Variants in REM1 observed in about 807,000 individuals in gnomAD.
REM1 encodes the protein GTP-binding protein REM 1.
REM1 carries 20 observed loss-of-function variants against 27.0 expected under a neutral mutation model. That is an observed-to-expected ratio of 0.74 (90% CI 0.52 to 1.08). The LOEUF (loss-of-function observed/expected upper bound fraction) is 1.08. Among genes scored for constraint, REM1 ranks in the 50% least tolerant of loss-of-function variants. The probability of loss-of-function intolerance (pLI) is 0.00; values close to 1 mark genes in which losing one functional copy is unlikely to be tolerated. For synonymous variants in REM1, 159 were observed against 167.9 expected, an observed-to-expected ratio of 0.95 and a Z score of 0.41; for missense variants, 405 against 407.0, an observed-to-expected ratio of 1.00 and a Z score of 0.04.
chr20:31,477,819 C>T lies in REM1; in HGVS notation c.341-9C>T, dbSNP rs367795246. On this transcript the variant is annotated splice_polypyrimidine_tract_variant and intron_variant, in intron 2 of 4. Coordinates refer to ENST00000201979, the MANE Select transcript of REM1 (RefSeq NM_014012.6). ...CCTCCCTGAGATCCAGCTCTTCCCT[C>T]GGTTGCAGAAGATGTATATGAGAGG... 22 of 1,609,162 alleles carry T rather than the reference C, an allele frequency of 1.4e-5. No homozygotes were observed. Among genetic ancestry groups the T allele is most frequent in the Non-Finnish European group, 1.7e-5 (20 of 1,177,440 alleles).
intron 3 of REM1, among the ~76,000 whole-genome samples, chr20:31,480,246 CACACATACATACATACAT>C (rs1980681349): frequency 1.9e-5 from 1 of 53,522 alleles, no homozygotes; most frequent in African/African-American, 1.4e-4. Flanking sequence ...TACATACATA[CACACATACATACATACAT>C]ACATACATAC....
At position 31,476,268 on chromosome 20, in the gene REM1, G is replaced by C; in HGVS notation, c.-178G>C. The C allele has an allele frequency of 1.7e-6, 1 of 581,678 alleles. No homozygotes were observed. Among genetic ancestry groups the C allele is most frequent in the Non-Finnish European group, 3.0e-6 (1 of 330,718 alleles). 36.0% of individuals were successfully genotyped at this position (581,678 alleles called of 1,614,324 possible). A position where few individuals can be genotyped will look rare whatever the true frequency, so the allele number is the denominator to read the frequency against. ...AGGCCAGAAAACCTAGGGACTTTCTGCCCCAAGAAGCTGAGGCACCTCCTA... is the reference window on the plus strand; with the variant it reads ...AGGCCAGAAAACCTAGGGACTTTCTCCCCCAAGAAGCTGAGGCACCTCCTA... On this transcript the variant is annotated 5_prime_UTR_variant, in exon 2 of 5. Transcript: ENST00000201979.
intron 3 of REM1, among the ~76,000 whole-genome samples, chr20:31,480,238 CATACAT>C (rs1568762839): frequency 0.055 from 4,201 of 75,820 alleles, 72 homozygotes; most frequent in African/African-American, 0.12. Context: ...TAGACAGATA[CATACAT>C]ACACACATAC....
chr20:31,481,624 C>G (rs1387926258), intron 3 of REM1, among the ~76,000 whole-genome samples: 1 of 152,208 alleles, frequency 6.6e-6, no homozygotes, highest in African/African-American at 2.4e-5. Flanking sequence ...TATAAGGTTA[C>G]TACCCAGGTA....
chr20:31,484,309 G>T lies in REM1; in HGVS notation c.776G>T (p.Arg259Leu), dbSNP rs752804472. The T allele has an allele frequency of 6.3e-7, 1 of 1,578,822 alleles. No individual in the cohort carries two copies. ...DSAAKEPPAP[R>L]RPASLAQRAR... ...GCGGCCAAGGAACCCCCAGCACCCC[G>T]ACGGCCGGCCAGCCTAGCCCAGCGC... Residue 259 changes from arginine to leucine, a missense_variant, in exon 5 of 5, where the codon CGA (arginine) becomes CTA (leucine). Arg to Leu is a moderately radical substitution (Grantham distance 102). Coordinates refer to ENST00000201979, the MANE Select transcript of REM1 (RefSeq NM_014012.6).
chr20:31,483,848 C>A (rs912561486), intron 4 of REM1, among the ~76,000 whole-genome samples: 2 of 151,682 alleles, frequency 1.3e-5, no homozygotes, highest in Non-Finnish European at 2.9e-5. Context: ...CAGACCTCAA[C>A]CCAAACCTAC....
chr20:31,482,621 G>A, intron 4 of REM1, 133 bp downstream of exon 4: 1 of 852,888 alleles, frequency 1.2e-6, no homozygotes, highest in Non-Finnish European at 1.8e-6. Flanking sequence ...AAGCCTGCAA[G>A]CTGGGAACCA....
chr20:31,484,786 G>A lies in REM1; in HGVS notation c.*356G>A. On this transcript the variant is annotated 3_prime_UTR_variant, in exon 5 of 5. Transcript: ENST00000201979. ...CTGAATGCCCAGACCTCTCCATCTC[G>A]GCTCTTCCAGGCGTCTCCACCTACT... 2 of 240,742 alleles carry A rather than the reference G, an allele frequency of 8.3e-6. No homozygotes were observed. Among genetic ancestry groups the A allele is most frequent in the Non-Finnish European group, 7.9e-6 (1 of 125,820 alleles). 14.9% of individuals were successfully genotyped at this position (240,742 alleles called of 1,614,324 possible). A position where few individuals can be genotyped will look rare whatever the true frequency, so the allele number is the denominator to read the frequency against.
chr20:31,476,236 G>A lies in REM1; in HGVS notation c.-210G>A. The A allele has an allele frequency of 1.8e-6, 1 of 548,880 alleles. No individual in the cohort carries two copies. The highest frequency in any genetic ancestry group is 3.2e-6 in the Non-Finnish European group (1 of 312,904). 34.0% of individuals were successfully genotyped at this position (548,880 alleles called of 1,614,324 possible). A position where few individuals can be genotyped will look rare whatever the true frequency, so the allele number is the denominator to read the frequency against. ...TTCCATCCGGATCCAGGTTTATGCA[G>A]AGCCTGAGGCCAGAAAACCTAGGGA... is the stretch of plus-strand genomic sequence containing the variant. On this transcript the variant is annotated 5_prime_UTR_variant, in exon 2 of 5. Transcript: ENST00000201979.
In REM1 at chr20:31,476,502, C is replaced by G; in HGVS notation, c.57C>G (p.Thr19=). 6.2e-7 allele frequency: 1 copy of G among 1,613,452 alleles called. No individual in the cohort carries two copies. Among genetic ancestry groups the G allele is most frequent in the Non-Finnish European group, 8.5e-7 (1 of 1,179,720 alleles). ...CCCCTCTGCACCGGCGAGCCAGCAC[C>G]CCACTGCCCCTGTCCCCACGGGGCC... is the stretch of plus-strand genomic sequence containing the variant. The part of the protein sequence containing the change: ...AKTPLHRRAS[T]PLPLSPRGHQ... Residue 19 remains threonine, a synonymous_variant, in exon 2 of 5, where the codon ACC becomes ACG. Coordinates refer to ENST00000201979, the MANE Select transcript of REM1 (RefSeq NM_014012.6).
chr20:31,483,019 G>A (rs762815236), intron 4 of REM1, among the ~76,000 whole-genome samples: 1 of 152,032 alleles, frequency 6.6e-6, no homozygotes, highest in African/African-American at 2.4e-5. Flanking sequence ...AAAAATTCTG[G>A]CCAGGCCCAG....
chr20:31,483,754 A>C (rs1412597217), intron 4 of REM1, among the ~76,000 whole-genome samples: 1 of 142,506 alleles, frequency 7.0e-6, no homozygotes, highest in Admixed American at 7.1e-5. Context: ...GGAAGACCCT[A>C]TGCTTTGTGA....
intron 4 of REM1, among the ~76,000 whole-genome samples, chr20:31,483,777 A>G (rs989690529): frequency 2.7e-5 from 2 of 74,432 alleles, no homozygotes; most frequent in African/African-American, 4.8e-4. Context: ...AGACATCCAA[A>G]AAAAAAAAAA....
In REM1 at chr20:31,480,224, T is replaced by C. The variant is rs371861153; in HGVS notation, c.424-2063T>C. Among the ~76,000 whole-genome samples the C allele has an allele frequency of 2.5e-3, 296 of 118,986 alleles. 2 individuals are homozygous for C. The highest frequency in any genetic ancestry group is 9.6e-3 in the African/African-American group (217 of 22,536). 78.1% of individuals were successfully genotyped at this position (118,986 alleles called of 152,430 possible). ...ATAGATAGATAGATAGATAGATAGATAGATAGACAGATACATACATACACA... is the reference window on the plus strand; with the variant it reads ...ATAGATAGATAGATAGATAGATAGACAGATAGACAGATACATACATACACA... On this transcript the variant is annotated intron_variant, in intron 3 of 4. Coordinates refer to ENST00000201979, the MANE Select transcript of REM1 (RefSeq NM_014012.6).
intron 3 of REM1, among the ~76,000 whole-genome samples, chr20:31,481,221 C>A (rs933780003): frequency 6.6e-6 from 1 of 152,084 alleles, no homozygotes; most frequent in African/African-American, 2.4e-5. Flanking sequence ...TGCAGTAAGC[C>A]AAGATCATGC....
In REM1 at chr20:31,477,860, G is replaced by A. The variant is rs1568761715; in HGVS notation, c.373G>A (p.Gly125Arg). The A allele has an allele frequency of 6.2e-7, 1 of 1,613,226 alleles. No homozygotes were observed. The highest frequency in any genetic ancestry group is 8.5e-7 in the Non-Finnish European group (1 of 1,179,790). ...ATATGAGAGGACCCTCACGGTGGAT[G>A]GAGAAGACACCACACTGGTGGTCGT... ...DVYERTLTVD[G>R]EDTTLVVVDT... Residue 125 changes from glycine to arginine, a missense_variant, in exon 3 of 5, where the codon GGA (glycine) becomes AGA (arginine). By Grantham distance (125) the Gly-to-Arg change is moderately radical. Transcript: ENST00000201979.
In REM1 at chr20:31,482,430, C is replaced by T. The variant is rs755326964; in HGVS notation, c.567C>T (p.Pro189=). The T allele has an allele frequency of 1.4e-4, 222 of 1,614,066 alleles. No homozygotes were observed. Among genetic ancestry groups the T allele is most frequent in the Non-Finnish European group, 1.7e-4 (206 of 1,180,032 alleles). ...LRRTHQADHV[P]IILVGNKADL... ...GCACACATCAGGCAGACCATGTGCC[C>T]ATCATCCTCGTGGGCAACAAGGCAG... Residue 189 remains proline (P), a synonymous_variant, in exon 4 of 5, where the codon CCC becomes CCT. Transcript: ENST00000201979.
Position 31,484,295 on chromosome 20 carries a change from A to AC in REM1, c.767dup (p.Ala257SerfsTer118). On this transcript the variant is annotated frameshift_variant, in exon 5 of 5. Coordinates refer to ENST00000201979, the MANE Select transcript of REM1 (RefSeq NM_014012.6). LOFTEE classifies it high-confidence loss of function. ...GCCGCCGGGACAGTGCGGCCAAGGA[A>AC]CCCCCAGCACCCCGACGGCCGGCCA... 1 of 1,584,512 alleles carries AC rather than the reference A, an allele frequency of 6.3e-7. No homozygotes were observed. The highest frequency in any genetic ancestry group is 1.3e-5 in the African/African-American group (1 of 74,640).
Position 31,476,348 on chromosome 20 carries a change from A to G in REM1, c.-98A>G, listed in dbSNP as rs1381628019. 5.2e-6 allele frequency: 5 copies of G among 965,820 alleles called. No individual in the cohort carries two copies. The highest frequency in any genetic ancestry group is 6.3e-6 in the Non-Finnish European group (4 of 632,024). 59.8% of individuals were successfully genotyped at this position (965,820 alleles called of 1,614,324 possible). On this transcript the variant is annotated 5_prime_UTR_variant, in exon 2 of 5. Coordinates refer to ENST00000201979, the MANE Select transcript of REM1 (RefSeq NM_014012.6). ...AGAAGCCATACAGCAGCTCATCAGG[A>G]CACTATAGAAAGAAGCAGCTCAAAG...
Sources: allele counts gnomAD v4.1 joint callset (sites outside exome capture counted in the v4.1 genomes callset), GRCh38; gene constraint gnomAD v4.1.1; transcripts MANE v1.5; gene names NCBI Gene and HGNC (gene_info 2026-07-23, HGNC 2026-07-21).